The following FAT3 variants were observed in gnomAD, a reference collection of about 807,000 sequenced individuals.
FAT3 encodes the protein protocadherin Fat 3.
Under a neutral mutation model 310.2 loss-of-function variants are expected in FAT3, and 95 were observed. The observed-to-expected ratio is 0.31, with a 90% CI of 0.26 to 0.36. FAT3 has a LOEUF of 0.36. FAT3 is among the 10% of genes least tolerant of loss of function. The pLI, the probability that FAT3 is intolerant of heterozygous loss-of-function variation, is 1.00. For missense variants in FAT3, 5,408 were observed against 5,715.6 expected (o/e 0.95, Z 1.74); for synonymous variants, 2,314 against 2,192.9 (o/e 1.06, Z -1.54).
At chr11:92,400,282 C>G (rs1949983604) in intron 2 of FAT3, 1 of 152,150 alleles carries the variant, frequency 6.6e-6, no homozygotes, top group Non-Finnish European at 1.5e-5. Context: ...GGCCTGAAGT[C>G]TGGCTGTAAA....
chr11:92,366,213 A>T (rs11019927), intron 2 of FAT3, among the ~76,000 whole-genome samples: 1 of 151,968 alleles, frequency 6.6e-6, no homozygotes, highest in Non-Finnish European at 1.5e-5. Flanking sequence ...ACTGGCAAAA[A>T]CCCAAGTCAC....
At chr11:92,562,027 C>T (rs543937124) in intron 3 of FAT3, among the ~76,000 whole-genome samples, 1 of 152,178 alleles carries the variant, frequency 6.6e-6, no homozygotes, top group Non-Finnish European at 1.5e-5. Context: ...AATTAAATTC[C>T]CTGCCTAGGG....
At chr11:92,682,629 C>A (rs1198474936) in intron 3 of FAT3, among the ~76,000 whole-genome samples, 1 of 152,160 alleles carries the variant, frequency 6.6e-6, no homozygotes, top group Admixed American at 6.5e-5. Flanking sequence ...GGTGATCAAC[C>A]ATCTTAGTTT....
At chr11:92,485,615 A>G (rs1367716535) in intron 2 of FAT3, among the ~76,000 whole-genome samples, 1 of 152,218 alleles carries the variant, frequency 6.6e-6, no homozygotes, top group Non-Finnish European at 1.5e-5. Context: ...GGATGTATAC[A>G]TTATGTGAAT....
intron 2 of FAT3, among the ~76,000 whole-genome samples, chr11:92,358,209 CT>C (rs1948785825): frequency 1.3e-5 from 2 of 151,878 alleles, no homozygotes; most frequent in African/African-American, 4.8e-5. Context: ...AAAATAAAAA[CT>C]TTTGTCATCA....
chr11:92,751,611 T>G (rs1945830820), intron 4 of FAT3, among the ~76,000 whole-genome samples: 1 of 152,174 alleles, frequency 6.6e-6, no homozygotes, highest in African/African-American at 2.4e-5. Context: ...TGGCAGTTTT[T>G]AAGCATTGAG....
At chr11:92,376,423 G>A (rs944569529) in intron 2 of FAT3, among the ~76,000 whole-genome samples, 3 of 152,172 alleles carry the variant, frequency 2.0e-5, no homozygotes, top group Admixed American at 6.5e-5. Context: ...TGTGGGGAAC[G>A]CAAGCAAATG....
At chr11:92,393,172 G>C (rs679454) in intron 2 of FAT3, among the ~76,000 whole-genome samples, 55,717 of 152,034 alleles carry the variant, frequency 0.37, 14,531 homozygotes, top group African/African-American at 0.74. Context: ...CCATTAGAGA[G>C]AGATGAAAGA....
chr11:92,534,823 C>T (rs887145521), intron 3 of FAT3, among the ~76,000 whole-genome samples: 5 of 152,128 alleles, frequency 3.3e-5, no homozygotes, highest in African/African-American at 9.7e-5. Flanking sequence ...ATGTATTTAA[C>T]TGAAGCCACA....
At chr11:92,407,644 A>C (rs1205291362) in intron 2 of FAT3, among the ~76,000 whole-genome samples, 2 of 152,142 alleles carry the variant, frequency 1.3e-5, no homozygotes, top group Admixed American at 6.6e-5. Context: ...ATGAGGAGAG[A>C]AAAAATTACC....
intron 3 of FAT3, among the ~76,000 whole-genome samples, chr11:92,679,443 C>G (rs1943399750): frequency 6.6e-6 from 1 of 151,906 alleles, no homozygotes; most frequent in African/African-American, 2.4e-5. Context: ...TCCCTTTTCT[C>G]CACGTCCTCA....
chr11:92,662,676 G>A (rs1942825729), intron 3 of FAT3, among the ~76,000 whole-genome samples: 1 of 152,206 alleles, frequency 6.6e-6, no homozygotes, highest in African/African-American at 2.4e-5. Flanking sequence ...TTTGGGCTAT[G>A]CAGGAAGGGT....
At chr11:92,454,089 G>A (rs1951434047) in intron 2 of FAT3, among the ~76,000 whole-genome samples, 1 of 152,038 alleles carries the variant, frequency 6.6e-6, no homozygotes, top group Admixed American at 6.5e-5. Context: ...AACATGTAAT[G>A]AAAATTAAAA....
At chr11:92,701,342 T>C (rs1944090576) in intron 4 of FAT3, among the ~76,000 whole-genome samples, 1 of 152,206 alleles carries the variant, frequency 6.6e-6, no homozygotes, top group Admixed American at 6.5e-5. Context: ...GTTTAAGATA[T>C]TTAGCTTGAT....
chr11:92,706,166 G>C (rs2135936865), intron 4 of FAT3, among the ~76,000 whole-genome samples: 1 of 152,096 alleles, frequency 6.6e-6, no homozygotes, highest in Middle Eastern at 3.4e-3. Flanking sequence ...TAATTTTACA[G>C]AACTGTCCAG....
chr11:92,386,717 T>A (rs1244509590), intron 2 of FAT3, among the ~76,000 whole-genome samples: 1 of 152,180 alleles, frequency 6.6e-6, no homozygotes, highest in Non-Finnish European at 1.5e-5. Flanking sequence ...GGTACTCAGT[T>A]TGAGGGGAGA....
intron 3 of FAT3, among the ~76,000 whole-genome samples, chr11:92,638,271 C>T (rs751128347): frequency 6.6e-6 from 1 of 152,288 alleles, no homozygotes; most frequent in East Asian, 1.9e-4. Context: ...TGAACTCATA[C>T]GTCTTTTCAT....
intron 1 of FAT3, among the ~76,000 whole-genome samples, chr11:92,244,724 G>T (rs1340041126): frequency 6.6e-6 from 1 of 152,028 alleles, no homozygotes; most frequent in African/African-American, 2.4e-5. Flanking sequence ...GGCTTACGGT[G>T]GGGCTTAAAA....
chr11:92,385,432 A>G (rs1949594734), intron 2 of FAT3, among the ~76,000 whole-genome samples: 1 of 152,130 alleles, frequency 6.6e-6, no homozygotes, highest in African/African-American at 2.4e-5. Context: ...CAGTGTCACA[A>G]TCTTGGCTCA....
Sources: gnomAD v4.1 joint callset for allele counts (sites outside exome capture counted in the v4.1 genomes callset) on GRCh38, gnomAD v4.1.1 for gene constraint, MANE v1.5 for transcripts, NCBI Gene and HGNC (gene_info 2026-07-23, HGNC 2026-07-21) for gene names.